SCAF4: variants seen among roughly 807,000 people sequenced by gnomAD.
SCAF4 encodes the protein SR-related and CTD-associated factor 4.
SCAF4 carries 25 observed loss-of-function variants against 129.8 expected under a neutral mutation model. The ratio of observed to expected loss-of-function variants is 0.19; its 90% CI spans 0.14 to 0.27. SCAF4 has a LOEUF of 0.27. Among genes scored for constraint, SCAF4 ranks in the 10% least tolerant of loss-of-function variants. The probability of loss-of-function intolerance (pLI) is 1.00; values close to 1 mark genes in which losing one functional copy is unlikely to be tolerated. For missense variants in SCAF4, 1,246 were observed against 1,457.1 expected (o/e 0.86, Z 2.36); for synonymous variants, 551 against 497.7 (o/e 1.11, Z -1.43).
chr21:31,686,572 TA>T (rs968517977), intron 16 of SCAF4, among the ~76,000 whole-genome samples: 1 of 152,154 alleles, frequency 6.6e-6, no homozygotes, highest in African/African-American at 2.4e-5. Context: ...GCCTGGCACT[TA>T]AATACCCAAC....
intron 19 of SCAF4, among the ~76,000 whole-genome samples, chr21:31,673,178 G>GAT (rs1292240673): frequency 1.3e-5 from 2 of 152,066 alleles, no homozygotes; most frequent in African/African-American, 4.8e-5. Flanking sequence ...TGCTCATACT[G>GAT]ATATAAGAGT....
rs1601177462 is a variant in SCAF4 at position 31,677,188 on chromosome 21, C to A, written c.2489-4834G>T. 2.0e-5 allele frequency among the ~76,000 whole-genome samples: 3 copies of A among 152,292 alleles called. No individual in the cohort carries two copies. In the South Asian group the frequency reaches 6.2e-4, roughly 32 times the overall value. The stretch of plus-strand genomic sequence containing the variant: ...TGCACCTGAATCCACATTACTCCTA[C>A]TGTCTGTGACTGTCCGTGCTCCAAT... On this transcript the variant is annotated intron_variant, in intron 19 of 19. Coordinates refer to ENST00000286835, the MANE Select transcript of SCAF4 (RefSeq NM_020706.2).
chr21:31,675,662 CAAAACAGTGATGGCTCTA>C (rs1489005649), intron 19 of SCAF4, among the ~76,000 whole-genome samples: 2 of 152,020 alleles, frequency 1.3e-5, no homozygotes, highest in Non-Finnish European at 1.5e-5. Context: ...TAGGGCAGAC[CAAAACAGTGATGGCTCTA>C]AGTGCCTGAA....
intron 1 of SCAF4, among the ~76,000 whole-genome samples, chr21:31,710,713 A>G (rs749555075): frequency 8.5e-5 from 13 of 152,260 alleles, no homozygotes; most frequent in Admixed American, 3.3e-4. Context: ...ACAAGAGGTT[A>G]ATCAGGATGC....
chr21:31,686,623 A>AC (rs370092315), intron 16 of SCAF4, among the ~76,000 whole-genome samples: 7 of 151,408 alleles, frequency 4.6e-5, no homozygotes, highest in African/African-American at 1.2e-4. Flanking sequence ...AATTTTAACA[A>AC]CCCCCCCAGC....
chr21:31,691,989 A>G, intron 13 of SCAF4, 59 bp from the exon 14 acceptor site: 1 of 851,762 alleles, frequency 1.2e-6, no homozygotes, highest in African/African-American at 1.7e-5. Flanking sequence ...AACAAGATAC[A>G]ACACCAAGTA....
Position 31,682,214 on chromosome 21 carries a change from A to G in SCAF4, c.2488+2835T>C, listed in dbSNP as rs186999396. On this transcript the variant is annotated intron_variant, in intron 19 of 19. Transcript: ENST00000286835. ...GCCAACATGGTGAAACCCTGTCTCT[A>G]CTAAAAATAGAAAAATCAGCTGGGC... Among the ~76,000 whole-genome samples the G allele has an allele frequency of 6.2e-4, 95 of 152,226 alleles. 3 individuals are homozygous for G. In the East Asian group the frequency reaches 0.013, roughly 21 times the overall value.
Position 31,671,370 on chromosome 21 carries a change from C to A in SCAF4, c.*29G>T. ...TCAAGCTCTACACTCCAGGAAGTGT[C>A]ACTGTCACATTTTCACAAATTCCAG... On this transcript the variant is annotated 3_prime_UTR_variant, in exon 20 of 20. Coordinates refer to ENST00000286835, the MANE Select transcript of SCAF4 (RefSeq NM_020706.2). The A allele has an allele frequency of 6.2e-7, 1 of 1,601,222 alleles. No individual in the cohort carries two copies. The highest frequency in any genetic ancestry group is 1.1e-5 in the South Asian group (1 of 89,024).
intron 19 of SCAF4, among the ~76,000 whole-genome samples, chr21:31,681,770 A>C (rs1225268643): frequency 1.3e-5 from 2 of 152,212 alleles, no homozygotes; most frequent in Non-Finnish European, 2.9e-5. Flanking sequence ...AGTACAACTC[A>C]ACTAATTACT....
chr21:31,716,901 G>C (rs1252522447), intron 1 of SCAF4, among the ~76,000 whole-genome samples: 1 of 152,072 alleles, frequency 6.6e-6, no homozygotes, highest in Non-Finnish European at 1.5e-5. Context: ...TACTGTGTAT[G>C]AGTTAATCAA....
At position 31,671,339 on chromosome 21, in the gene SCAF4, T is replaced by C; in HGVS notation, c.*60A>G. The C allele has an allele frequency of 6.4e-7, 1 of 1,560,458 alleles. No individual in the cohort carries two copies. Among genetic ancestry groups the C allele is most frequent in the Non-Finnish European group, 8.7e-7 (1 of 1,153,242 alleles). On this transcript the variant is annotated 3_prime_UTR_variant, in exon 20 of 20. Coordinates refer to ENST00000286835, the MANE Select transcript of SCAF4 (RefSeq NM_020706.2). The stretch of plus-strand genomic sequence containing the variant: ...GGGAGCGGATATAATACAGCATCTG[T>C]ACACCTCAAGCTCTACACTCCAGGA...
chr21:31,693,121 C>T (rs1051040872), intron 12 of SCAF4, among the ~76,000 whole-genome samples, 173 bp downstream of exon 12: 18 of 152,026 alleles, frequency 1.2e-4, no homozygotes, highest in African/African-American at 4.3e-4. Context: ...GGTACGAAAG[C>T]AAATCTAAGG....
chr21:31,726,109 G>C lies in SCAF4; in HGVS notation c.30+5554C>G, dbSNP rs1196994193. Among the ~76,000 whole-genome samples, 7 of 150,750 alleles carry C rather than the reference G, an allele frequency of 4.6e-5. No individual in the cohort carries two copies. The East Asian group carries it at 1.2e-3, about 25-fold the overall frequency. On this transcript the variant is annotated intron_variant, in intron 1 of 19. Coordinates refer to ENST00000286835, the MANE Select transcript of SCAF4 (RefSeq NM_020706.2). ...CGCCCAGGCTGGAGTGCAGTGGCGC[G>C]ATCTCGGCTCACTGCAAGCTCCGCC... is the stretch of plus-strand genomic sequence containing the variant.
intron 1 of SCAF4, among the ~76,000 whole-genome samples, chr21:31,707,480 T>TA (rs138373278): frequency 6.6e-6 from 1 of 152,076 alleles, no homozygotes; most frequent in Admixed American, 6.5e-5. Flanking sequence ...AACCAAAACA[T>TA]AGAGTCCATA....
chr21:31,711,328 C>T (rs910744288), intron 1 of SCAF4, among the ~76,000 whole-genome samples: 3 of 152,194 alleles, frequency 2.0e-5, no homozygotes, highest in Admixed American at 1.3e-4. Flanking sequence ...CGGTCTCTAC[C>T]TTTTGCAAGA....
intron 1 of SCAF4, among the ~76,000 whole-genome samples, chr21:31,719,257 T>C (rs940829063): frequency 6.6e-6 from 1 of 151,748 alleles, no homozygotes; most frequent in Non-Finnish European, 1.5e-5. Context: ...GCCATCGCAC[T>C]CTAGCCTGGG....
chr21:31,729,622 A>C (rs2051298088), intron 1 of SCAF4, among the ~76,000 whole-genome samples: 1 of 152,216 alleles, frequency 6.6e-6, no homozygotes, highest in Admixed American at 6.5e-5. Context: ...GAAGCACTAC[A>C]AATCAAGTAG....
intron 1 of SCAF4, among the ~76,000 whole-genome samples, chr21:31,717,930 C>T (rs1399362973): frequency 1.4e-5 from 2 of 145,100 alleles, no homozygotes; most frequent in Non-Finnish European, 3.0e-5. Flanking sequence ...CACACACACA[C>T]ACACACACAC....
chr21:31,713,111 C>A (rs1295811166), intron 1 of SCAF4, among the ~76,000 whole-genome samples: 1 of 152,126 alleles, frequency 6.6e-6, no homozygotes, highest in Non-Finnish European at 1.5e-5. Flanking sequence ...TTACTGAGTC[C>A]TTACTTGTGT....
Sources: gnomAD v4.1 joint callset for allele counts (sites outside exome capture counted in the v4.1 genomes callset) on GRCh38, gnomAD v4.1.1 for gene constraint, MANE v1.5 for transcripts, NCBI Gene and HGNC (gene_info 2026-07-23, HGNC 2026-07-21) for gene names.